Variants in CADM2 observed in about 807,000 individuals in gnomAD.
CADM2 encodes immunoglobulin superfamily member 4D.
Under a neutral mutation model 49.8 loss-of-function variants are expected in CADM2, and 12 were observed. The observed-to-expected ratio is 0.24, with a 90% confidence interval of 0.15 to 0.39. The LOEUF is 0.39. CADM2 is among the 10% of genes least tolerant of loss of function. The pLI is 1.00. For synonymous variants in CADM2, 214 were observed against 175.4 expected (o/e 1.22, Z -1.74); for missense variants, 378 against 492.3 (o/e 0.77, Z 2.20).
chr3:85,968,861 T>C (rs1168685436), intron 8 of CADM2, among the ~76,000 whole-genome samples: 1 of 151,720 alleles, frequency 6.6e-6, no homozygotes. Context: ...CATTCCTAAA[T>C]AGAAGACATA....
intron 1 of CADM2, among the ~76,000 whole-genome samples, chr3:85,448,841 G>C (rs1211958210): frequency 6.6e-6 from 1 of 151,746 alleles, no homozygotes; most frequent in African/African-American, 2.4e-5. Context: ...ACGAGGTCAG[G>C]AGATCGAGAC....
chr3:85,995,855 C>G (rs1279366394), intron 8 of CADM2, among the ~76,000 whole-genome samples: 1 of 151,968 alleles, frequency 6.6e-6, no homozygotes, highest in African/African-American at 2.4e-5. Context: ...TTTGGGAGGC[C>G]AAGGCGGGTG....
chr3:85,974,998 T>C (rs191910648), intron 8 of CADM2, among the ~76,000 whole-genome samples: 14 of 151,650 alleles, frequency 9.2e-5, no homozygotes, highest in African/African-American at 3.4e-4. Context: ...TTCCTGTCAA[T>C]AAAAAGGCTC....
chr3:85,770,957 G>A (rs924402372), intron 2 of CADM2, among the ~76,000 whole-genome samples: 9 of 152,150 alleles, frequency 5.9e-5, no homozygotes, highest in East Asian at 3.9e-4. Flanking sequence ...GGACTTCGTC[G>A]TCTGTGATAC....
chr3:85,433,182 A>G (rs1307137722), intron 1 of CADM2, among the ~76,000 whole-genome samples: 2 of 152,024 alleles, frequency 1.3e-5, no homozygotes, highest in Non-Finnish European at 2.9e-5. Flanking sequence ...CTAATAAAAT[A>G]TTAAATATAG....
chr3:85,937,332 A>G (rs140275895), intron 7 of CADM2, among the ~76,000 whole-genome samples: 1 of 152,016 alleles, frequency 6.6e-6, no homozygotes, highest in Non-Finnish European at 1.5e-5. Context: ...ACAAATTTCA[A>G]GAGATTTATG....
intron 1 of CADM2, among the ~76,000 whole-genome samples, chr3:85,419,187 G>T (rs1454669839): frequency 6.6e-6 from 1 of 152,156 alleles, no homozygotes; most frequent in Non-Finnish European, 1.5e-5. Context: ...CGGGAGTGGT[G>T]GCTCACGCCT....
intron 1 of CADM2, among the ~76,000 whole-genome samples, chr3:85,372,014 A>G (rs1336761640): frequency 1.3e-5 from 2 of 151,848 alleles, no homozygotes; most frequent in African/African-American, 2.4e-5. Flanking sequence ...TGGAGATATG[A>G]AATAATATTA....
chr3:85,587,396 G>T (rs779453315), intron 1 of CADM2, among the ~76,000 whole-genome samples: 5 of 152,102 alleles, frequency 3.3e-5, no homozygotes, highest in Non-Finnish European at 7.4e-5. Flanking sequence ...AAAGAATCCA[G>T]ATAGGTAGCA....
intron 1 of CADM2, among the ~76,000 whole-genome samples, chr3:85,489,532 C>T (rs182655305): frequency 2.4e-4 from 37 of 152,140 alleles, no homozygotes; most frequent in Admixed American, 4.6e-4. Flanking sequence ...CATTAATAAT[C>T]TAGATAAAAA....
chr3:85,202,055 G>C (rs1235680990), intron 1 of CADM2, among the ~76,000 whole-genome samples: 1 of 141,488 alleles, frequency 7.1e-6, no homozygotes. Flanking sequence ...TCTCCAGCCT[G>C]GTGACAGAGC....
At chr3:85,329,426 C>T (rs1020534791) in intron 1 of CADM2, among the ~76,000 whole-genome samples, 20 of 151,170 alleles carry the variant, frequency 1.3e-4, no homozygotes, top group Non-Finnish European at 1.9e-4. Context: ...CACAATTAGC[C>T]GGGCATGGTG....
At chr3:85,075,769 T>C (rs998693271) in intron 1 of CADM2, among the ~76,000 whole-genome samples, 1 of 152,178 alleles carries the variant, frequency 6.6e-6, no homozygotes, top group Admixed American at 6.5e-5. Flanking sequence ...AAATGTCACA[T>C]TAGAGCATAA....
chr3:85,289,376 G>T (rs1332863333), intron 1 of CADM2, among the ~76,000 whole-genome samples: 1 of 152,108 alleles, frequency 6.6e-6, no homozygotes, highest in Non-Finnish European at 1.5e-5. Flanking sequence ...GGAAACTATT[G>T]CATGTTTTGT....
At chr3:85,937,107 A>C (rs1171911451) in intron 7 of CADM2, among the ~76,000 whole-genome samples, 1 of 151,840 alleles carries the variant, frequency 6.6e-6, no homozygotes, top group Non-Finnish European at 1.5e-5. Context: ...CCAACAGTAG[A>C]AACATTATTT....
intron 8 of CADM2, among the ~76,000 whole-genome samples, chr3:86,044,816 C>A (rs1305673143): frequency 6.6e-6 from 1 of 152,088 alleles, no homozygotes; most frequent in Non-Finnish European, 1.5e-5. Context: ...ACCCAAATGT[C>A]CAACAATGAT....
intron 1 of CADM2, among the ~76,000 whole-genome samples, chr3:85,225,238 G>T (rs1032943826): frequency 6.6e-6 from 1 of 152,122 alleles, no homozygotes; most frequent in Non-Finnish European, 1.5e-5. Context: ...CATGATCATA[G>T]AATGTTCTTC....
At chr3:86,010,527 A>G (rs1195926700) in intron 8 of CADM2, among the ~76,000 whole-genome samples, 1 of 151,462 alleles carries the variant, frequency 6.6e-6, no homozygotes, top group Non-Finnish European at 1.5e-5. Context: ...CAAAATCTTC[A>G]ATTAAAAAAT....
intron 1 of CADM2, among the ~76,000 whole-genome samples, chr3:85,589,407 C>T (rs1175268354): frequency 6.6e-6 from 1 of 151,968 alleles, no homozygotes; most frequent in East Asian, 1.9e-4. Flanking sequence ...AAAATCAGTT[C>T]CAGTACTGAC....
Sources: allele counts gnomAD v4.1 joint callset (sites outside exome capture counted in the v4.1 genomes callset), GRCh38; gene constraint gnomAD v4.1.1; transcripts MANE v1.5; gene names NCBI Gene and HGNC (gene_info 2026-07-23, HGNC 2026-07-21).